Variants in GMPPB observed in about 807,000 individuals in gnomAD.
The protein encoded by GMPPB is mannose-1-phosphate guanylyltransferase catalytic subunit beta.
A neutral mutation model predicts 40.3 loss-of-function variants in GMPPB; 38 were observed. The ratio of observed to expected loss-of-function variants is 0.94; its 90% CI spans 0.73 to 1.24. The LOEUF is 1.24. Ranked by LOEUF, GMPPB falls within the 50% of genes most tolerant of loss-of-function variation. GMPPB has a pLI of 0.00. For synonymous variants in GMPPB, 193 were observed against 191.8 expected (o/e 1.01, Z -0.05); for missense variants, 436 against 487.1 (o/e 0.90, Z 0.99).
chr3:49,720,309 C>A lies in GMPPB; in HGVS notation c.*1443G>T. On this transcript the variant is annotated 3_prime_UTR_variant, in exon 9 of 9. Coordinates refer to ENST00000308388, the MANE Select transcript of GMPPB (RefSeq NM_021971.4). ...CCAGCCTGGGCAACAGAGCGAGACT[C>A]GTCTCAAGAAAAAAAAAAAAAAAAC... 2.4e-6 allele frequency: 1 copy of A among 424,932 alleles called. No individual in the cohort carries two copies. Among genetic ancestry groups the A allele is most frequent in the Non-Finnish European group, 4.0e-6 (1 of 248,696 alleles). 26.3% of individuals were successfully genotyped at this position (424,932 alleles called of 1,614,324 possible). A position where few individuals can be genotyped will look rare whatever the true frequency, so the allele number is the denominator to read the frequency against.
Position 49,722,023 on chromosome 3 carries a change from C to T in GMPPB, c.893G>A (p.Arg298His), listed in dbSNP as rs766498097. The change falls in exon 8 of 9, where the codon CGT becomes CAT. Residue 298 changes from arginine to histidine, a missense_variant. Transcript: ENST00000308388. The part of the protein sequence containing the change: ...RCTVLRDARI[R>H]SHSWLESCIV... ...GCAGGACTCAAGCCAGGAATGGGAA[C>T]GGATCCGGGCATCCCGCAGCACCGT... The T allele has an allele frequency of 2.5e-5, 41 of 1,613,460 alleles. No homozygotes were observed. The highest frequency in any genetic ancestry group is 4.5e-5 in the East Asian group (2 of 44,860).
rs2080461743 is a variant in GMPPB, at chr3:49,723,736, G to A, written c.-10C>T. ...AGATCAGTGCCTTCATCGCGCCTGC[G>A]GACGTTGAGGGGGTGTCCCGGGCTC... is the stretch of plus-strand genomic sequence containing the variant. On this transcript the variant is annotated 5_prime_UTR_variant, in exon 1 of 9. Transcript: ENST00000308388. The A allele has an allele frequency of 2.5e-6, 4 of 1,579,894 alleles. No individual in the cohort carries two copies. In the East Asian group the frequency reaches 8.9e-5, roughly 35 times the overall value.
At position 49,721,658 on chromosome 3, in the gene GMPPB, A is replaced by AAAT. The variant is rs987540543; in HGVS notation, c.*91_*93dup. ...CAGCTTCACCCAGTGCCCCCCAGAC[A>AAAT]AATAATGACAAGTCCAGGGTCTTCT... On this transcript the variant is annotated 3_prime_UTR_variant, in exon 9 of 9. Coordinates refer to ENST00000308388, the MANE Select transcript of GMPPB (RefSeq NM_021971.4). 27 of 1,234,576 alleles carry AAAT rather than the reference A, an allele frequency of 2.2e-5. No individual in the cohort carries two copies. In the African/African-American group the frequency reaches 2.2e-4, roughly 10 times the overall value. 76.5% of individuals were successfully genotyped at this position (1,234,576 alleles called of 1,614,324 possible). A position where few individuals can be genotyped will look rare whatever the true frequency, so the allele number is the denominator to read the frequency against.
chr3:49,723,285 G>C lies in GMPPB; in HGVS notation c.228C>G (p.Ser76=), dbSNP rs1045895302. Residue 76 remains serine, a synonymous_variant, in exon 3 of 9, where the codon TCC becomes TCG. Coordinates refer to ENST00000308388, the MANE Select transcript of GMPPB (RefSeq NM_021971.4). ...AQEQRLGIRI[S]MSHEEEPLGT... is the part of the protein sequence containing the mutation. The stretch of plus-strand genomic sequence containing the variant: ...CCAAAGGCTCCTCTTCATGGGACAT[G>C]GAGATTCGGATTCCCAGCTGGAAGG... 1 of 1,614,072 alleles carries C rather than the reference G, an allele frequency of 6.2e-7. No homozygotes were observed. The highest frequency in any genetic ancestry group is 1.3e-5 in the African/African-American group (1 of 74,938).
Position 49,721,463 on chromosome 3 carries a change from C to G in GMPPB, c.*289G>C, listed in dbSNP as rs760862244. 2.1e-5 allele frequency: 22 copies of G among 1,029,010 alleles called. No homozygotes were observed. The highest frequency in any genetic ancestry group is 2.9e-5 in the Non-Finnish European group (19 of 653,784). The allele number at this position is 1,029,010 out of a possible 1,614,324, so 63.7% of individuals were successfully genotyped here. A position where few individuals can be genotyped will look rare whatever the true frequency, so the allele number is the denominator to read the frequency against. On this transcript the variant is annotated 3_prime_UTR_variant, in exon 9 of 9. Transcript: ENST00000308388. ...CTCATTGGTGGGAGCCCAGCCATGGCCCTAATTGTGCCTGAGCTTGACTTT... is the reference window on the plus strand; with the variant it reads ...CTCATTGGTGGGAGCCCAGCCATGGGCCTAATTGTGCCTGAGCTTGACTTT...
chr3:49,723,266 G>T lies in GMPPB; in HGVS notation c.247C>A (p.Pro83Thr), dbSNP rs2080451480. 1 of 1,614,102 alleles carries T rather than the reference G, an allele frequency of 6.2e-7. No homozygotes were observed. ...IRISMSHEEE[P>T]LGTAGPLALA... is the part of the protein sequence containing the mutation. ...TGCCTCTACTGACCTGTCCCCAAAG[G>T]CTCCTCTTCATGGGACATGGAGATT... The change falls in exon 3 of 9, where the codon CCT becomes ACT. Residue 83 changes from proline to threonine, a missense_variant. Coordinates refer to ENST00000308388, the MANE Select transcript of GMPPB (RefSeq NM_021971.4).
chr3:49,723,828 C>G lies in GMPPB; in HGVS notation c.-102G>C. On this transcript the variant is annotated 5_prime_UTR_variant, in exon 1 of 9. Coordinates refer to ENST00000308388, the MANE Select transcript of GMPPB (RefSeq NM_021971.4). The stretch of plus-strand genomic sequence containing the variant: ...TCCCAACGCCGTGCCCGGCCCCGCG[C>G]CCTTCACCAACCCGCCTGACAGACT... The G allele has an allele frequency of 1.5e-6, 2 of 1,360,314 alleles. No homozygotes were observed. The highest frequency in any genetic ancestry group is 1.9e-6 in the Non-Finnish European group (2 of 1,031,130). 84.3% of individuals were successfully genotyped at this position (1,360,314 alleles called of 1,614,324 possible). A position where few individuals can be genotyped will look rare whatever the true frequency, so the allele number is the denominator to read the frequency against.
At position 49,721,787 on chromosome 3, in the gene GMPPB, C is replaced by T. The variant is rs184127567; in HGVS notation, c.1048G>A (p.Gly350Ser). ...GASVLPHKSIGESVPEPRIIM is the reference protein window; with the variant it reads ...GASVLPHKSISESVPEPRIIM Reference sequence around the variant, plus strand: ...ATACGAGGCTCTGGCACTGACTCGCCAATAGACTTGTGGGGCAGCACGCTG... The same window carrying T: ...ATACGAGGCTCTGGCACTGACTCGCTAATAGACTTGTGGGGCAGCACGCTG... The change falls in exon 9 of 9, where the codon GGC becomes AGC. Residue 350 changes from glycine to serine, a missense_variant. Transcript: ENST00000308388. The T allele has an allele frequency of 3.2e-4, 520 of 1,610,778 alleles. 3 individuals are homozygous for T. The Admixed American group carries it at 5.0e-3, about 15-fold the overall frequency.
chr3:49,719,988 A>ACTAT lies in GMPPB; in HGVS notation c.*1760_*1763dup, dbSNP rs1286151886. ...AATATTATGGGGCAGGCAGACTCTC[A>ACTAT]CTATCTTAAGGTGGTTCGCCTGAGC... On this transcript the variant is annotated 3_prime_UTR_variant, in exon 9 of 9. Transcript: ENST00000308388. 1.2e-5 allele frequency: 2 copies of ACTAT among 162,186 alleles called. No homozygotes were observed. The highest frequency in any genetic ancestry group is 1.9e-4 in the East Asian group (1 of 5,384). The allele number at this position is 162,186 out of a possible 1,614,324, so 10.0% of individuals were successfully genotyped here. A position where few individuals can be genotyped will look rare whatever the true frequency, so the allele number is the denominator to read the frequency against.
chr3:49,721,988 A>G lies in GMPPB; in HGVS notation c.928T>C (p.Trp310Arg). Residue 310 changes from tryptophan (W) to arginine (R), a missense_variant, in exon 8 of 9, where the codon TGG (tryptophan) becomes CGG (arginine). By Grantham distance (101) the Trp-to-Arg change is moderately radical. Transcript: ENST00000308388. ...HSWLESCIVG[W>R]RCRVGQWVRM... ...ACCCACTGACCCACGCGGCAGCGCC[A>G]GCCCACAATGCAGGACTCAAGCCAG... 2 of 1,369,134 alleles carry G rather than the reference A, an allele frequency of 1.5e-6. No individual in the cohort carries two copies. The highest frequency in any genetic ancestry group is 1.9e-6 in the Non-Finnish European group (2 of 1,025,888). The allele number at this position is 1,369,134 out of a possible 1,614,324, so 84.8% of individuals were successfully genotyped here. A position where few individuals can be genotyped will look rare whatever the true frequency, so the allele number is the denominator to read the frequency against.
Position 49,723,295 on chromosome 3 carries a change from A to G in GMPPB, c.218T>C (p.Ile73Thr), listed in dbSNP as rs1553692045. ...CTCTTCATGGGACATGGAGATTCGG[A>G]TTCCCAGCTGGAAGGAAGAGGCCCC... The part of the protein sequence containing the change: ...EMKAQEQRLG[I>T]RISMSHEEEP... Residue 73 changes from isoleucine to threonine, a missense_variant, in exon 3 of 9, where the codon ATC becomes ACC. Coordinates refer to ENST00000308388, the MANE Select transcript of GMPPB (RefSeq NM_021971.4). The G allele has an allele frequency of 6.2e-7, 1 of 1,614,134 alleles. No individual in the cohort carries two copies.
At chr3:49,722,836 T>A in intron 4 of GMPPB, 82 bp from the exon 5 acceptor site, 4 of 1,531,948 alleles carry the variant, frequency 2.6e-6, no homozygotes, top group South Asian at 1.2e-5. Context: ...CTCAAGAGAC[T>A]CTGCCCCAAG....
At position 49,722,478 on chromosome 3, in the gene GMPPB, GAAGACCTCCTTCTCAAT is replaced by G; in HGVS notation, c.577_593del (p.Ile193ProfsTer44). ...GCTGCCCCTCCTTGGCCATAATGGGGAAGACCTCCTTCTCAATGGACGTAGGCTGCAGCTGTGGGAGT... is the reference window on the plus strand; with the variant it reads ...GCTGCCCCTCCTTGGCCATAATGGGGGGACGTAGGCTGCAGCTGTGGGAGT... On this transcript the variant is annotated frameshift_variant, in exon 6 of 9. Transcript: ENST00000308388. LOFTEE classifies it high-confidence loss of function. 6.2e-7 allele frequency: 1 copy of G among 1,614,198 alleles called. No individual in the cohort carries two copies. The highest frequency in any genetic ancestry group is 8.5e-7 in the Non-Finnish European group (1 of 1,180,032).
Position 49,723,919 on chromosome 3 carries a change from G to T in GMPPB, c.-193C>A, listed in dbSNP as rs911226977. 5 of 562,334 alleles carry T rather than the reference G, an allele frequency of 8.9e-6. No individual in the cohort carries two copies. The highest frequency in any genetic ancestry group is 1.5e-5 in the Non-Finnish European group (5 of 336,270). The allele number at this position is 562,334 out of a possible 1,614,324, so 34.8% of individuals were successfully genotyped here. On this transcript the variant is annotated 5_prime_UTR_variant, in exon 1 of 9. Coordinates refer to ENST00000308388, the MANE Select transcript of GMPPB (RefSeq NM_021971.4). ...CCAGGGCCGCCACAACACAGAACGCGACACCGGGTAGACGGCTGCTGGCCC... is the reference window on the plus strand; with the variant it reads ...CCAGGGCCGCCACAACACAGAACGCTACACCGGGTAGACGGCTGCTGGCCC...
Position 49,723,867 on chromosome 3 carries a change from G to A in GMPPB, c.-141C>T, listed in dbSNP as rs956262527. The stretch of plus-strand genomic sequence containing the variant: ...GCCTGACAGACTCTGGCTCCACCTC[G>A]TCCGCCCGGTCGCCCTGACGCCGGA... On this transcript the variant is annotated 5_prime_UTR_variant, in exon 1 of 9. In the 5' UTR this introduces an upstream ATG that the reference lacks. Transcript: ENST00000308388. The A allele has an allele frequency of 1.0e-6, 1 of 962,484 alleles. No homozygotes were observed. The highest frequency in any genetic ancestry group is 1.8e-5 in the South Asian group (1 of 55,448). 59.6% of individuals were successfully genotyped at this position (962,484 alleles called of 1,614,324 possible).
At position 49,721,226 on chromosome 3, in the gene GMPPB, T is replaced by G. The variant is rs1001399602; in HGVS notation, c.*526A>C. 31 of 1,614,068 alleles carry G rather than the reference T, an allele frequency of 1.9e-5. No homozygotes were observed. The highest frequency in any genetic ancestry group is 5.0e-5 in the Admixed American group (3 of 60,010). On this transcript the variant is annotated 3_prime_UTR_variant, in exon 9 of 9. Transcript: ENST00000308388. ...CACCTGATGAACAACAAGGACTGCT[T>G]CTTCTGCAAAACCACCATCGTGTCT... is the stretch of plus-strand genomic sequence containing the variant.
rs2080437243 is a variant in GMPPB at position 49,722,755 on chromosome 3, C to G, written c.403-1G>C. ...TGGAGGGTTCCTCCACCTTGGTCAC[C>G]TGAATGCAAGGAAGGGGACCTCGGA... On this transcript the variant is annotated splice_acceptor_variant, in intron 4 of 8. Coordinates refer to ENST00000308388, the MANE Select transcript of GMPPB (RefSeq NM_021971.4). LOFTEE classifies it high-confidence loss of function. The G allele has an allele frequency of 6.2e-7, 1 of 1,610,044 alleles. No homozygotes were observed. The highest frequency in any genetic ancestry group is 8.5e-7 in the Non-Finnish European group (1 of 1,178,206).
At position 49,720,323 on chromosome 3, in the gene GMPPB, A is replaced by G; in HGVS notation, c.*1429T>C. The G allele has an allele frequency of 4.1e-6, 2 of 491,646 alleles. No homozygotes were observed. Among genetic ancestry groups the G allele is most frequent in the South Asian group, 6.8e-5 (1 of 14,624 alleles). 30.5% of individuals were successfully genotyped at this position (491,646 alleles called of 1,614,324 possible). A position where few individuals can be genotyped will look rare whatever the true frequency, so the allele number is the denominator to read the frequency against. ...AGAGCGAGACTCGTCTCAAGAAAAA[A>G]AAAAAAAAAACAGGCTGTGTGGCAC... On this transcript the variant is annotated 3_prime_UTR_variant, in exon 9 of 9. Transcript: ENST00000308388.
In GMPPB at chr3:49,723,479, G is replaced by T. The variant is rs373707045; in HGVS notation, c.130-7C>A. On this transcript the variant is annotated splice_polypyrimidine_tract_variant and splice_region_variant and intron_variant, in intron 1 of 8. Coordinates refer to ENST00000308388, the MANE Select transcript of GMPPB (RefSeq NM_021971.4). ...TCACGTGGTCCACGCCTGCCTGTCA[G>T]AACGCAGGCCGACGGGCGGGCTCAG... 6.2e-7 allele frequency: 1 copy of T among 1,613,452 alleles called. No homozygotes were observed. The highest frequency in any genetic ancestry group is 1.3e-5 in the African/African-American group (1 of 74,948).
Sources: gnomAD v4.1 joint callset for allele counts on GRCh38, gnomAD v4.1.1 for gene constraint, MANE v1.5 for transcripts, NCBI Gene and HGNC (gene_info 2026-07-23, HGNC 2026-07-21) for gene names.